The following FBXL22 variants were observed in gnomAD, a reference collection of about 807,000 sequenced individuals.
FBXL22 encodes the protein F-box and leucine rich repeat protein 22.
A neutral mutation model predicts 11.7 loss-of-function variants in FBXL22; 13 were observed. That is an observed-to-expected ratio of 1.11 (90% confidence interval 0.73 to 1.77). FBXL22 has a LOEUF of 1.77. FBXL22 is among the 40% of genes most tolerant of loss of function. FBXL22 has a pLI of 0.00. For synonymous variants in FBXL22, 160 were observed against 144.1 expected, an observed-to-expected ratio of 1.11 and a Z score of -0.79; for missense variants, 406 against 320.4, an observed-to-expected ratio of 1.27 and a Z score of -2.04.
At chr15:63,606,980 A>G (rs1295266861), downstream of FBXL22, among the ~76,000 whole-genome samples, 2 of 151,896 alleles carry the variant, frequency 1.3e-5, no homozygotes, top group Admixed American at 1.3e-4. Flanking sequence ...CAGCTCAGCA[A>G]GAGGGACGCA....
chr15:63,601,872 A>G, downstream of FBXL22: 1 of 777,748 alleles, frequency 1.3e-6, no homozygotes, highest in Non-Finnish European at 1.9e-6. Context: ...GAACCATTAT[A>G]AGCTGACAAG....
intron 1 of FBXL22, chr15:63,599,987 G>A (rs1389825932): frequency 3.0e-6 from 3 of 985,720 alleles, no homozygotes; most frequent in Admixed American, 6.1e-5. Context: ...TTTCTTTGCT[G>A]GGAGGGGCTG....
In FBXL22 at chr15:63,601,057, C is replaced by G; in HGVS notation, c.*18C>G. Reference sequence around the variant, plus strand: ...AGCGCTAGACGCCGCCCCGCCGCTGCCCCCGGGGAAGGAGCGCAGCCCCAG... The same window carrying G: ...AGCGCTAGACGCCGCCCCGCCGCTGGCCCCGGGGAAGGAGCGCAGCCCCAG... On this transcript the variant is annotated 3_prime_UTR_variant, in exon 2 of 2. Coordinates refer to ENST00000638704, the MANE Select transcript of FBXL22 (RefSeq NM_001367807.1). 2 of 1,229,330 alleles carry G rather than the reference C, an allele frequency of 1.6e-6. No individual in the cohort carries two copies. 76.2% of individuals were successfully genotyped at this position (1,229,330 alleles called of 1,614,324 possible). A position where few individuals can be genotyped will look rare whatever the true frequency, so the allele number is the denominator to read the frequency against.
At chr15:63,600,322 C>T in intron 1 of FBXL22, 6 of 1,028,334 alleles carry the variant, frequency 5.8e-6, no homozygotes, top group Non-Finnish European at 4.7e-6. Flanking sequence ...CGCCAAGCAC[C>T]GCTCCCCTGC....
chr15:63,601,930 G>C (rs2067379076), downstream of FBXL22: 1 of 545,324 alleles, frequency 1.8e-6, no homozygotes, highest in Non-Finnish European at 3.1e-6. Flanking sequence ...ACAAGCCTAG[G>C]CTTCCAATTT....
chr15:63,600,978 C>T lies in FBXL22; in HGVS notation c.635C>T (p.Pro212Leu), dbSNP rs1157328394. 1.7e-5 allele frequency: 20 copies of T among 1,191,840 alleles called. No individual in the cohort carries two copies. Among genetic ancestry groups the T allele is most frequent in the Non-Finnish European group, 2.1e-5 (20 of 962,828 alleles). 73.8% of individuals were successfully genotyped at this position (1,191,840 alleles called of 1,614,324 possible). A position where few individuals can be genotyped will look rare whatever the true frequency, so the allele number is the denominator to read the frequency against. Residue 212 changes from proline (P) to leucine (L), a missense_variant, in exon 2 of 2, where the codon CCC becomes CTC. Physicochemically the swap from Pro to Leu is moderately conservative, Grantham distance 98 (BLOSUM62 -3). Coordinates refer to ENST00000638704, the MANE Select transcript of FBXL22 (RefSeq NM_001367807.1). ...LRAEHSAAML[P>L]DQPPRPRAPA... ...GCAGAGCACAGCGCCGCCATGCTGCCCGACCAGCCCCCGCGCCCGCGCGCG... is the reference window on the plus strand; with the variant it reads ...GCAGAGCACAGCGCCGCCATGCTGCTCGACCAGCCCCCGCGCCCGCGCGCG...
downstream of FBXL22, among the ~76,000 whole-genome samples, chr15:63,606,142 T>C (rs959457143): frequency 2.6e-5 from 4 of 152,198 alleles, no homozygotes; most frequent in African/African-American, 9.7e-5. Flanking sequence ...TTCCCTCTCC[T>C]GACCTTGGAT....
downstream of FBXL22, chr15:63,601,761 C>G: frequency 3.4e-6 from 5 of 1,481,986 alleles, no homozygotes; most frequent in Non-Finnish European, 4.5e-6. Flanking sequence ...CCCATATTTT[C>G]TACTGTTCTC....
intron 1 of FBXL22, chr15:63,599,208 C>A: frequency 6.5e-7 from 1 of 1,535,852 alleles, no homozygotes; most frequent in Non-Finnish European, 8.7e-7. Flanking sequence ...TACTGATGAA[C>A]GTCTACTGAA....
downstream of FBXL22, among the ~76,000 whole-genome samples, chr15:63,606,764 A>G (rs939285490): frequency 3.9e-5 from 6 of 152,290 alleles, no homozygotes; most frequent in African/African-American, 1.2e-4. Flanking sequence ...TTATAAAATC[A>G]TGGCACTGTG....
At chr15:63,607,448 G>A in the FBXL22 span, among the ~76,000 whole-genome samples, 4,152 of 152,264 alleles carry the variant, frequency 0.027, 71 homozygotes, top group Middle Eastern at 0.092. Context: ...CTCTTAGATC[G>A]GTATTAAAGC....
Position 63,597,718 on chromosome 15 carries a change from A to T in FBXL22, c.326A>T (p.Asn109Ile). 6.3e-7 allele frequency: 1 copy of T among 1,593,576 alleles called. No homozygotes were observed. ...SICSRHESLV[N>I]DFLLRVCDRC... The stretch of plus-strand genomic sequence containing the variant: ...TGCAGCCGGCACGAGAGCCTGGTCA[A>T]TGATTTCCTCCTCCGGGTGTGCGAC... The change falls in exon 1 of 2, where the codon AAT (asparagine) becomes ATT (isoleucine). Residue 109 changes from asparagine (N) to isoleucine (I), a missense_variant. Transcript: ENST00000638704. The surrounding 1 kb of genome is among the most constrained non-coding windows in gnomAD (Gnocchi z 4.3).
downstream of FBXL22, among the ~76,000 whole-genome samples, chr15:63,605,147 C>T (rs892883478): frequency 1.3e-5 from 2 of 152,162 alleles, no homozygotes; most frequent in Non-Finnish European, 2.9e-5. Context: ...TTAATTAATC[C>T]ACCAACTAAT....
chr15:63,605,437 C>T (rs116764852), downstream of FBXL22, among the ~76,000 whole-genome samples: 470 of 152,326 alleles, frequency 3.1e-3, no homozygotes, highest in African/African-American at 0.011. Flanking sequence ...GCACAACACA[C>T]AAATCCCAGG....
At chr15:63,599,643 C>G (rs1394643288) in intron 1 of FBXL22, 18 of 989,386 alleles carry the variant, frequency 1.8e-5, no homozygotes, top group Non-Finnish European at 2.2e-5. Context: ...ACTTCCCTCC[C>G]CTGGCACAAA....
Position 63,597,700 on chromosome 15 carries a change from G to A in FBXL22, c.308G>A (p.Arg103Gln), listed in dbSNP as rs146309376. 1.3e-5 allele frequency: 20 copies of A among 1,598,840 alleles called. No individual in the cohort carries two copies. The highest frequency in any genetic ancestry group is 4.4e-5 in the South Asian group (4 of 90,674). The change falls in exon 1 of 2, where the codon CGG (arginine) becomes CAG (glutamine). Residue 103 changes from arginine (R) to glutamine (Q), a missense_variant. Physicochemically the swap from Arg to Gln is conservative, Grantham distance 43 (BLOSUM62 1). Transcript: ENST00000638704. The surrounding 1 kb of genome is among the most constrained non-coding windows in gnomAD (Gnocchi z 4.3). Reference protein sequence around the residue: ...KSAFQRSICSRHESLVNDFLL... With the variant: ...KSAFQRSICSQHESLVNDFLL... ...GCCTTCCAGAGAAGCATCTGCAGCC[G>A]GCACGAGAGCCTGGTCAATGATTTC...
downstream of FBXL22, among the ~76,000 whole-genome samples, chr15:63,604,229 C>T (rs2067402827): frequency 6.6e-6 from 1 of 152,256 alleles, no homozygotes; most frequent in African/African-American, 2.4e-5. Flanking sequence ...AACAAGGGAA[C>T]CTTGCTTTTG....
At position 63,598,568 on chromosome 15, in the gene FBXL22, T is replaced by C. The variant is rs145221579; in HGVS notation, c.353+823T>C. 4.3e-3 allele frequency among the ~76,000 whole-genome samples: 650 copies of C among 152,266 alleles called. 2 individuals are homozygous for C. The highest frequency in any genetic ancestry group is 0.011 in the South Asian group (52 of 4,820). On this transcript the variant is annotated intron_variant, in intron 1 of 1. Coordinates refer to ENST00000638704, the MANE Select transcript of FBXL22 (RefSeq NM_001367807.1). ...CAGAGCTATTCAACCAGCCTCTCAC[T>C]GAGCTTCTGCCAGTCCCGTGCTGCC...
downstream of FBXL22, chr15:63,601,816 C>G (rs912457328): frequency 3.8e-6 from 5 of 1,321,648 alleles, no homozygotes; most frequent in African/African-American, 7.7e-5. Context: ...AAGCCTCAAA[C>G]TAAACAAAAA....
Sources: allele counts gnomAD v4.1 joint callset (sites outside exome capture counted in the v4.1 genomes callset), GRCh38; gene constraint gnomAD v4.1.1; non-coding constraint Gnocchi (gnomAD v3.1); transcripts MANE v1.5; gene names NCBI Gene and HGNC (gene_info 2026-07-23, HGNC 2026-07-21).